STK24: variants seen among roughly 807,000 people sequenced by gnomAD.
STK24 encodes serine/threonine kinase 24, also known as serine/threonine-protein kinase 24.
Under a neutral mutation model 55.6 loss-of-function variants are expected in STK24, and 21 were observed. That is an observed-to-expected ratio of 0.38 (90% CI 0.27 to 0.54). The LOEUF is 0.54. Among genes scored for constraint, STK24 ranks in the 20% least tolerant of loss-of-function variants. The pLI is 0.79. For synonymous variants in STK24, 200 were observed against 215.2 expected (o/e 0.93, Z 0.62); for missense variants, 383 against 538.4 (o/e 0.71, Z 2.86).
At position 98,452,798 on chromosome 13, in the gene STK24, T is replaced by TA. The variant is rs1893260135; in HGVS notation, c.*374dup. On this transcript the variant is annotated 3_prime_UTR_variant, in exon 11 of 11. Coordinates refer to ENST00000539966, the MANE Select transcript of STK24 (RefSeq NM_001032296.4). ...CAGCTCCCAGAGGGAGTTATCAACT[T>TA]AAAGCAGGATACCTGAGGTTTCATG... The TA allele has an allele frequency of 5.3e-6, 1 of 189,348 alleles. No individual in the cohort carries two copies. Among genetic ancestry groups the TA allele is most frequent in the Admixed American group, 5.6e-5 (1 of 17,908 alleles). 11.7% of individuals were successfully genotyped at this position (189,348 alleles called of 1,614,324 possible). A position where few individuals can be genotyped will look rare whatever the true frequency, so the allele number is the denominator to read the frequency against.
At chr13:98,457,363 C>T in intron 9 of STK24, 59 bp from the exon 10 acceptor site, 2 of 1,611,206 alleles carry the variant, frequency 1.2e-6, no homozygotes, top group Admixed American at 3.3e-5. Context: ...AACTGGGAAG[C>T]ATGCTGTTCA....
chr13:98,519,162 C>T, intron 2 of STK24, 81 bp downstream of exon 2: 2 of 1,127,120 alleles, frequency 1.8e-6, no homozygotes, highest in Middle Eastern at 2.9e-4. Flanking sequence ...TGTGCTTTGT[C>T]CTATCAGAGT....
rs887710421 is a variant in STK24, at chr13:98,446,685, G to T, written c.*6488C>A. The T allele has an allele frequency of 6.2e-7, 1 of 1,613,922 alleles. No homozygotes were observed. The highest frequency in any genetic ancestry group is 1.3e-5 in the African/African-American group (1 of 74,904). The stretch of plus-strand genomic sequence containing the variant: ...TTCCAGGACAATCATCCCCTTGCCA[G>T]CCTGCCTCTGCTCGGCTACTCGCTC... On this transcript the variant is annotated 3_prime_UTR_variant, in exon 11 of 11. Transcript: ENST00000539966.
intron 1 of STK24, among the ~76,000 whole-genome samples, chr13:98,526,188 T>C (rs1224821969): frequency 6.6e-6 from 1 of 152,250 alleles, no homozygotes; most frequent in African/African-American, 2.4e-5. Context: ...TTTCTCTCAG[T>C]CTTCTTTCTG....
Position 98,573,369 on chromosome 13 carries a change from AAAC to A in STK24, c.42+3373_42+3375del, listed in dbSNP as rs1340154560. Among the ~76,000 whole-genome samples, 4 of 152,340 alleles carry A rather than the reference AAAC, an allele frequency of 2.6e-5. 1 individual carries two copies. Among genetic ancestry groups the A allele is most frequent in the African/African-American group, 7.2e-5 (3 of 41,570 alleles). ...CTTTTCTTTTAATCTCAATTGAGTG[AAAC>A]AACAAATGCTCAATGAAAGACGGAG... On this transcript the variant is annotated intron_variant, in intron 1 of 10. Coordinates refer to ENST00000539966, the MANE Select transcript of STK24 (RefSeq NM_001032296.4).
intron 2 of STK24, among the ~76,000 whole-genome samples, chr13:98,491,348 C>T (rs1347575274): frequency 6.6e-6 from 1 of 152,220 alleles, no homozygotes; most frequent in Non-Finnish European, 1.5e-5. Flanking sequence ...AGACCCCAGG[C>T]TTCGCTCTTC....
intron 1 of STK24, among the ~76,000 whole-genome samples, chr13:98,533,558 G>C (rs903516598): frequency 6.6e-6 from 1 of 151,830 alleles, no homozygotes; most frequent in Non-Finnish European, 1.5e-5. Flanking sequence ...GCTGAGGTGG[G>C]AGAATCACTT....
At chr13:98,525,503 C>T (rs549164704) in intron 1 of STK24, among the ~76,000 whole-genome samples, 3 of 152,152 alleles carry the variant, frequency 2.0e-5, no homozygotes, top group Admixed American at 6.5e-5. Flanking sequence ...GGGATGGGGG[C>T]GGGGATGGGA....
chr13:98,506,303 A>G (rs1895677855), intron 2 of STK24, among the ~76,000 whole-genome samples: 1 of 152,238 alleles, frequency 6.6e-6, no homozygotes, highest in Non-Finnish European at 1.5e-5. Flanking sequence ...GAAATAAAAT[A>G]CAGGTCGTCA....
Position 98,576,741 on chromosome 13 carries a change from C to CT in STK24, c.42+3dup, listed in dbSNP as rs1338491975. On this transcript the variant is annotated splice_donor_region_variant and intron_variant, in intron 1 of 10. Coordinates refer to ENST00000539966, the MANE Select transcript of STK24 (RefSeq NM_001032296.4). ...TCCCGGCCCCGCGGCCCGCGCCCGC[C>CT]TACCTGCATGCCGGGCAGGCCCGAC... 1 of 1,461,182 alleles carries CT rather than the reference C, an allele frequency of 6.8e-7. No homozygotes were observed. The allele number at this position is 1,461,182 out of a possible 1,614,324, so 90.5% of individuals were successfully genotyped here. A position where few individuals can be genotyped will look rare whatever the true frequency, so the allele number is the denominator to read the frequency against.
chr13:98,538,518 G>A (rs1222325882), intron 1 of STK24, among the ~76,000 whole-genome samples: 1 of 151,908 alleles, frequency 6.6e-6, no homozygotes, highest in East Asian at 1.9e-4. Flanking sequence ...AGCCACCGCG[G>A]CTTGGTGCCT....
intron 1 of STK24, among the ~76,000 whole-genome samples, chr13:98,560,623 A>T (rs1897393172): frequency 6.6e-6 from 1 of 152,212 alleles, no homozygotes; most frequent in Non-Finnish European, 1.5e-5. Context: ...TCACACCTGT[A>T]ATCCCAGCAC....
At chr13:98,480,627 A>G (rs1894546487) in intron 3 of STK24, among the ~76,000 whole-genome samples, 1 of 152,214 alleles carries the variant, frequency 6.6e-6, no homozygotes, top group Admixed American at 6.5e-5. Flanking sequence ...ATGGTTTATA[A>G]TAATATTTGA....
rs796797464 is a variant in STK24, at chr13:98,535,389, A to G, written c.43-15916T>C. On this transcript the variant is annotated intron_variant, in intron 1 of 10. Transcript: ENST00000539966. ...AAAAAAAATATATATATATATATAT[A>G]TGTGTGTATACACACACACACACAC... Among the ~76,000 whole-genome samples the G allele has an allele frequency of 8.8e-3, 1,094 of 124,218 alleles. 12 individuals are homozygous for G. Among genetic ancestry groups the G allele is most frequent in the African/African-American group, 0.035 (855 of 24,416 alleles). 81.5% of individuals were successfully genotyped at this position (124,218 alleles called of 152,430 possible).
chr13:98,451,673 G>A lies in STK24; in HGVS notation c.*1500C>T, dbSNP rs1893199009. ...TAACTTCCTTGCTTCCAAAAATCCTGTCTTAACTCCACAAGAACTGGCACA... is the reference window on the plus strand; with the variant it reads ...TAACTTCCTTGCTTCCAAAAATCCTATCTTAACTCCACAAGAACTGGCACA... On this transcript the variant is annotated 3_prime_UTR_variant, in exon 11 of 11. Transcript: ENST00000539966. The A allele has an allele frequency of 6.6e-6, 1 of 152,184 alleles. No homozygotes were observed. The highest frequency in any genetic ancestry group is 6.5e-5 in the Admixed American group (1 of 15,274). 9.4% of individuals were successfully genotyped at this position (152,184 alleles called of 1,614,324 possible).
At chr13:98,521,903 T>TCTTCCATTCACCC in intron 1 of STK24, 1 of 955,938 alleles carries the variant, frequency 1.0e-6, no homozygotes, top group East Asian at 2.4e-5. Flanking sequence ...TCTCGCTCCT[T>TCTTCCATTCACCC]CTTCCATTCA....
Position 98,535,353 on chromosome 13 carries a change from CAAACAAACA to C in STK24, c.43-15889_43-15881del, listed in dbSNP as rs1435011386. The stretch of plus-strand genomic sequence containing the variant: ...ACTCTGTCTCAAACAAACAAACAAA[CAAACAAACA>C]AAAAAAAAATATATATATATATATA... On this transcript the variant is annotated intron_variant, in intron 1 of 10. Transcript: ENST00000539966. Among the ~76,000 whole-genome samples the C allele has an allele frequency of 2.5e-3, 111 of 43,600 alleles. 2 individuals are homozygous for C. Among genetic ancestry groups the C allele is most frequent in the Admixed American group, 5.8e-3 (25 of 4,346 alleles). 28.6% of individuals were successfully genotyped at this position (43,600 alleles called of 152,430 possible).
chr13:98,448,199 A>T lies in STK24; in HGVS notation c.*4974T>A, dbSNP rs1490103156. On this transcript the variant is annotated 3_prime_UTR_variant, in exon 11 of 11. Transcript: ENST00000539966. ...CACCAAAGTGTCAGGAGTCCGTCCA[A>T]ACAAAAGGTTGACTAACTGGCGTTC... 2.8e-5 allele frequency: 45 copies of T among 1,579,074 alleles called. No homozygotes were observed. The highest frequency in any genetic ancestry group is 3.9e-5 in the Non-Finnish European group (45 of 1,148,684).
Position 98,447,964 on chromosome 13 carries a change from GGCC to G in STK24, c.*5206_*5208del. The G allele has an allele frequency of 2.0e-6, 1 of 492,972 alleles. No individual in the cohort carries two copies. Among genetic ancestry groups the G allele is most frequent in the South Asian group, 2.8e-5 (1 of 36,352 alleles). The allele number at this position is 492,972 out of a possible 1,614,324, so 30.5% of individuals were successfully genotyped here. A position where few individuals can be genotyped will look rare whatever the true frequency, so the allele number is the denominator to read the frequency against. ...GGTAGCGTTCTCCCCAGCAACCAGAGGCCACCTCGCTCCTAACTGCTCCAATGG... is the reference window on the plus strand; with the variant it reads ...GGTAGCGTTCTCCCCAGCAACCAGAGACCTCGCTCCTAACTGCTCCAATGG... On this transcript the variant is annotated 3_prime_UTR_variant, in exon 11 of 11. Coordinates refer to ENST00000539966, the MANE Select transcript of STK24 (RefSeq NM_001032296.4).
Sources: gnomAD v4.1 joint callset for allele counts (sites outside exome capture counted in the v4.1 genomes callset) on GRCh38, gnomAD v4.1.1 for gene constraint, MANE v1.5 for transcripts, NCBI Gene and HGNC (gene_info 2026-07-23, HGNC 2026-07-21) for gene names.